SLIT3: variants seen among roughly 807,000 people sequenced by gnomAD.
The protein encoded by SLIT3 is slit guidance ligand 3.
A neutral mutation model predicts 184.0 loss-of-function variants in SLIT3; 68 were observed. That is an observed-to-expected ratio of 0.37 (90% CI 0.30 to 0.45). The LOEUF is 0.45. SLIT3 is among the 20% of genes least tolerant of loss of function. The pLI, the probability that SLIT3 is intolerant of heterozygous loss-of-function variation, is 1.00. For missense variants in SLIT3, 1,707 were observed against 2,026.0 expected (o/e 0.84, Z 3.02); for synonymous variants, 831 against 828.6 (o/e 1.00, Z -0.05).
chr5:168,759,501 A>T (rs1217556205), intron 16 of SLIT3, among the ~76,000 whole-genome samples: 1 of 152,208 alleles, frequency 6.6e-6, no homozygotes, highest in Non-Finnish European at 1.5e-5. Flanking sequence ...CTTCGGCAGT[A>T]TGTCTGGGGG....
chr5:169,188,032 A>T (rs1006679340), intron 4 of SLIT3, among the ~76,000 whole-genome samples: 1 of 152,108 alleles, frequency 6.6e-6, no homozygotes, highest in African/African-American at 2.4e-5. Flanking sequence ...ATCTCAGCTC[A>T]CTGCAACCTC....
chr5:169,278,962 C>T (rs982554984), intron 1 of SLIT3, among the ~76,000 whole-genome samples: 1 of 152,072 alleles, frequency 6.6e-6, no homozygotes, highest in Non-Finnish European at 1.5e-5. Context: ...ATTCATGGTA[C>T]GGGGGCTGTA....
At chr5:168,767,964 T>A (rs891079684) in intron 14 of SLIT3, among the ~76,000 whole-genome samples, 2 of 152,092 alleles carry the variant, frequency 1.3e-5, no homozygotes, top group African/African-American at 4.8e-5. Context: ...TGGATACAGA[T>A]CTCTTTCCCC....
intron 9 of SLIT3, among the ~76,000 whole-genome samples, chr5:168,796,719 G>A (rs964639964): frequency 6.6e-6 from 1 of 152,216 alleles, no homozygotes; most frequent in Non-Finnish European, 1.5e-5. Flanking sequence ...CCGCTGTAGA[G>A]TGGGGGAGAC....
chr5:168,964,756 G>A (rs915898527), intron 4 of SLIT3, among the ~76,000 whole-genome samples: 1 of 152,202 alleles, frequency 6.6e-6, no homozygotes, highest in Non-Finnish European at 1.5e-5. Context: ...GTCAATCTCA[G>A]TTGTTAGTAG....
intron 23 of SLIT3, among the ~76,000 whole-genome samples, chr5:168,713,335 T>C (rs978344456): frequency 6.6e-6 from 1 of 152,196 alleles, no homozygotes; most frequent in Admixed American, 6.5e-5. Context: ...ATACTAAGCC[T>C]TCCACAAATG....
chr5:168,761,087 G>A, intron 15 of SLIT3, 151 bp from the exon 16 acceptor site: 2 of 645,480 alleles, frequency 3.1e-6, no homozygotes, highest in Admixed American at 2.6e-5. Context: ...CATCAACAGA[G>A]GGGCCCAGCA....
intron 4 of SLIT3, among the ~76,000 whole-genome samples, chr5:169,176,826 T>C (rs1245006196): frequency 6.6e-6 from 1 of 152,178 alleles, no homozygotes; most frequent in Non-Finnish European, 1.5e-5. Context: ...AGGCTTGGGT[T>C]TGGAGCTGGT....
intron 4 of SLIT3, among the ~76,000 whole-genome samples, chr5:168,958,575 C>T (rs1335509858): frequency 6.6e-6 from 1 of 152,214 alleles, no homozygotes; most frequent in Non-Finnish European, 1.5e-5. Flanking sequence ...ACCCAGAACT[C>T]TCTGCCTGCA....
At chr5:169,050,725 G>A (rs1355876614) in intron 4 of SLIT3, among the ~76,000 whole-genome samples, 9 of 151,242 alleles carry the variant, frequency 6.0e-5, no homozygotes, top group Admixed American at 5.9e-4. Flanking sequence ...AACACTTCAC[G>A]TTGAGCTTGC....
rs185306198 is a variant in SLIT3, at chr5:168,903,718, T to A, written c.414-20382A>T. Among the ~76,000 whole-genome samples, 6 of 152,244 alleles carry A rather than the reference T, an allele frequency of 3.9e-5. No individual in the cohort carries two copies. In the East Asian group the frequency reaches 5.8e-4, roughly 15 times the overall value. ...CCCATCTTGTTCCTTTCTTCTCCTC[T>A]CTGTTATTGTCCCTGACCTCCCACT... On this transcript the variant is annotated intron_variant, in intron 4 of 35. Coordinates refer to ENST00000519560, the MANE Select transcript of SLIT3 (RefSeq NM_003062.4).
chr5:168,784,336 C>T (rs1277481310), intron 12 of SLIT3, among the ~76,000 whole-genome samples: 2 of 152,192 alleles, frequency 1.3e-5, no homozygotes, highest in Non-Finnish European at 2.9e-5. Context: ...AACACATAGC[C>T]TTAAAAGCCC....
chr5:168,768,846 T>C (rs890626626), intron 14 of SLIT3, among the ~76,000 whole-genome samples: 3 of 152,182 alleles, frequency 2.0e-5, no homozygotes, highest in Non-Finnish European at 4.4e-5. Context: ...CTCTGGCTGA[T>C]AGACACTCAT....
Position 168,785,991 on chromosome 5 carries a change from A to C in SLIT3, c.1080-13T>G. 1 of 1,585,776 alleles carries C rather than the reference A, an allele frequency of 6.3e-7. No homozygotes were observed. Among genetic ancestry groups the C allele is most frequent in the Non-Finnish European group, 8.7e-7 (1 of 1,154,272 alleles). ...CCCATACAGGACCCTGAAAGAGAGA[A>C]GGAGAAGACAGCAATCACTGTGGAT... On this transcript the variant is annotated splice_polypyrimidine_tract_variant and intron_variant, in intron 11 of 35. Transcript: ENST00000519560.
At chr5:169,163,072 C>T (rs1762527951) in intron 4 of SLIT3, among the ~76,000 whole-genome samples, 1 of 152,004 alleles carries the variant, frequency 6.6e-6, no homozygotes, top group Non-Finnish European at 1.5e-5. Flanking sequence ...CTTGTAATCC[C>T]AGCACTTTGG....
intron 4 of SLIT3, among the ~76,000 whole-genome samples, chr5:169,140,192 C>T (rs1761671286): frequency 1.3e-5 from 2 of 151,218 alleles, no homozygotes; most frequent in South Asian, 2.1e-4. Flanking sequence ...GGGCCAGGTG[C>T]GGTGGCTCAC....
rs34928753 is a variant in SLIT3 at position 169,254,484 on chromosome 5, C to CT, written c.198-3026dup. On this transcript the variant is annotated intron_variant, in intron 1 of 35. Transcript: ENST00000519560. Reference sequence around the variant, plus strand: ...AAACATGTCTGCCATTTCTTTCTTTCTTTTTTTTTTTTAAATACACTTGCT... The same window carrying CT: ...AAACATGTCTGCCATTTCTTTCTTTCTTTTTTTTTTTTTAAATACACTTGCT... Among the ~76,000 whole-genome samples the CT allele has an allele frequency of 6.9e-3, 1,010 of 146,994 alleles. 6 individuals are homozygous for CT. The highest frequency in any genetic ancestry group is 0.017 in the Middle Eastern group (5 of 286).
chr5:168,669,661 G>C (rs1326920714), intron 35 of SLIT3, 122 bp downstream of exon 35: 1 of 741,794 alleles, frequency 1.3e-6, no homozygotes, highest in Non-Finnish European at 2.3e-6. Flanking sequence ...GGCTCAGAAA[G>C]TGACTGAACC....
rs571067527 is a variant in SLIT3, at chr5:168,801,550, G to A, written c.935+4896C>T. Among the ~76,000 whole-genome samples the A allele has an allele frequency of 6.8e-3, 1,030 of 152,262 alleles. 8 individuals carry two copies. Among genetic ancestry groups the A allele is most frequent in the Non-Finnish European group, 0.012 (823 of 68,012 alleles). On this transcript the variant is annotated intron_variant, in intron 9 of 35. Transcript: ENST00000519560. ...TTCCATAGCAGAAGATACGAGACAC[G>A]GGATACCACCATGGGGAGATACAGA...
Sources: allele counts gnomAD v4.1 joint callset (sites outside exome capture counted in the v4.1 genomes callset), GRCh38; gene constraint gnomAD v4.1.1; transcripts MANE v1.5; gene names NCBI Gene and HGNC (gene_info 2026-07-23, HGNC 2026-07-21).